The following STRADA variants were observed in gnomAD, a reference collection of about 807,000 sequenced individuals.
The protein encoded by STRADA is STE20-related kinase adapter protein alpha.
STRADA carries 26 observed loss-of-function variants against 55.0 expected under a neutral mutation model. The observed-to-expected ratio is 0.47, with a 90% CI of 0.35 to 0.66. The LOEUF (loss-of-function observed/expected upper bound fraction) is 0.66, where lower values mean the gene tolerates loss of function less well. STRADA is among the 30% of genes least tolerant of loss of function. The probability of loss-of-function intolerance (pLI) is 0.01; values close to 1 mark genes in which losing one functional copy is unlikely to be tolerated. For synonymous variants in STRADA, 197 were observed against 210.9 expected (o/e 0.93, Z 0.57); for missense variants, 443 against 549.7 (o/e 0.81, Z 1.94).
Position 63,728,428 on chromosome 17 carries a change from G to C in STRADA, c.-44-15C>G. On this transcript the variant is annotated splice_polypyrimidine_tract_variant and intron_variant, in intron 1 of 12. Transcript: ENST00000336174. Reference sequence around the variant, plus strand: ...AAAACTTAAACCTAAAAGGAAAATAGAAACAGGTTGAGTTAGCAAAAATCT... The same window carrying C: ...AAAACTTAAACCTAAAAGGAAAATACAAACAGGTTGAGTTAGCAAAAATCT... 1 of 1,482,908 alleles carries C rather than the reference G, an allele frequency of 6.7e-7. No homozygotes were observed. Among genetic ancestry groups the C allele is most frequent in the East Asian group, 2.3e-5 (1 of 43,106 alleles). 91.9% of individuals were successfully genotyped at this position (1,482,908 alleles called of 1,614,324 possible).
At chr17:63,737,410 CTCA>C (rs2038532047) in intron 1 of STRADA, 1 of 151,514 alleles carries the variant, frequency 6.6e-6, no homozygotes, top group Non-Finnish European at 1.5e-5. Context: ...CTGTTAAGTG[CTCA>C]TCATCAGCTT....
chr17:63,737,467 A>ATGT (rs1279504632), intron 1 of STRADA: 12 of 151,374 alleles, frequency 7.9e-5, no homozygotes, highest in Non-Finnish European at 1.3e-4. Flanking sequence ...ACTTAATTAC[A>ATGT]GTTATAGAAC....
chr17:63,707,150 C>G, intron 9 of STRADA, 97 bp downstream of exon 9: 1 of 1,505,222 alleles, frequency 6.6e-7, no homozygotes, highest in Non-Finnish European at 9.1e-7. Flanking sequence ...CTTTACCCCA[C>G]TGGGAGGTTG....
Position 63,710,477 on chromosome 17 carries a change from G to A in STRADA, c.581+14C>T, listed in dbSNP as rs368230413. The stretch of plus-strand genomic sequence containing the variant: ...ACCCACTGTAATCATGGGAAAGGCC[G>A]CCTAAGAACGCACCTGTGTACATAT... On this transcript the variant is annotated intron_variant, in intron 8 of 12. Coordinates refer to ENST00000336174, the MANE Select transcript of STRADA (RefSeq NM_001003787.4). The A allele has an allele frequency of 1.8e-5, 29 of 1,612,760 alleles. No homozygotes were observed. Among genetic ancestry groups the A allele is most frequent in the South Asian group, 5.5e-5 (5 of 91,002 alleles).
upstream of STRADA, chr17:63,741,878 T>C (rs1405925498): frequency 6.6e-6 from 1 of 152,312 alleles, no homozygotes; most frequent in Non-Finnish European, 1.5e-5. Flanking sequence ...GGAGGACTGA[T>C]AGAGCGCTCC....
chr17:63,710,587 T>C lies in STRADA; in HGVS notation c.485A>G (p.His162Arg), dbSNP rs1347918699. The C allele has an allele frequency of 1.4e-5, 23 of 1,613,964 alleles. No individual in the cohort carries two copies. The highest frequency in any genetic ancestry group is 1.9e-5 in the Non-Finnish European group (23 of 1,179,914). The stretch of plus-strand genomic sequence containing the variant: ...CAGCTCATTCATGCCATCCATGAAG[T>C]GTGTACAGATGAGATCTTTTGCAGA... ...YGSAKDLICT[H>R]FMDGMNELAI... Residue 162 changes from histidine to arginine, a missense_variant, in exon 8 of 13, where the codon CAC becomes CGC. By Grantham distance (29) the His-to-Arg change is conservative (BLOSUM62 0). Transcript: ENST00000336174.
intron 5 of STRADA, among the ~76,000 whole-genome samples, chr17:63,713,789 CAAAGG>C (rs943103253): frequency 2.0e-5 from 3 of 152,050 alleles, no homozygotes; most frequent in Non-Finnish European, 4.4e-5. Flanking sequence ...ATGGCAGCCA[CAAAGG>C]AAAGATGGCA....
intron 1 of STRADA, among the ~76,000 whole-genome samples, chr17:63,730,366 A>G (rs1217319149): frequency 6.7e-6 from 1 of 149,344 alleles, no homozygotes; most frequent in East Asian, 2.0e-4. Context: ...ATCTGGACTA[A>G]CTGCTTTTTA....
chr17:63,711,430 A>G (rs915558012), intron 6 of STRADA, among the ~76,000 whole-genome samples: 10 of 152,282 alleles, frequency 6.6e-5, no homozygotes, highest in African/African-American at 2.4e-4. Context: ...GTCTCACTGC[A>G]GCCTGAACTT....
chr17:63,705,940 C>T (rs1172243093), intron 10 of STRADA: 1 of 152,232 alleles, frequency 6.6e-6, no homozygotes, highest in Non-Finnish European at 1.5e-5. Flanking sequence ...CTGCCCCTAC[C>T]ACCGGGCAAG....
chr17:63,710,684 G>C, intron 7 of STRADA, 44 bp downstream of exon 7: 2 of 1,613,960 alleles, frequency 1.2e-6, no homozygotes, highest in Non-Finnish European at 1.7e-6. Context: ...TCTGACAACA[G>C]AGTCCCAATA....
intron 5 of STRADA, 31 bp downstream of exon 5, chr17:63,713,975 G>T: frequency 6.3e-7 from 1 of 1,576,652 alleles, no homozygotes; most frequent in Non-Finnish European, 8.7e-7. Flanking sequence ...GGAGCAGAAA[G>T]CAGGAGAGTA....
At chr17:63,709,910 T>C (rs908636554) in intron 8 of STRADA, among the ~76,000 whole-genome samples, 3 of 152,118 alleles carry the variant, frequency 2.0e-5, no homozygotes, top group African/African-American at 7.2e-5. Flanking sequence ...CATCAGATGT[T>C]CCTCTCACAC....
At chr17:63,713,340 C>G in intron 6 of STRADA, 66 bp downstream of exon 6, 1 of 1,576,302 alleles carries the variant, frequency 6.3e-7, no homozygotes, top group Non-Finnish European at 8.6e-7. Context: ...CTTTGTAATT[C>G]CTTGTAATTC....
In STRADA at chr17:63,723,328, T is replaced by G. The variant is rs766601222; in HGVS notation, c.95-2A>C. 2.8e-5 allele frequency: 46 copies of G among 1,614,096 alleles called. No individual in the cohort carries two copies. Among genetic ancestry groups the G allele is most frequent in the Non-Finnish European group, 3.9e-5 (46 of 1,180,046 alleles). On this transcript the variant is annotated splice_acceptor_variant, in intron 3 of 12. Transcript: ENST00000336174. LOFTEE classifies it high-confidence loss of function. The stretch of plus-strand genomic sequence containing the variant: ...TCCGAGTGTCACCCGGAGGCTGCTC[T>G]GGGGTAGAGAAATTGATTGTTGGCA...
rs115717167 is a variant in STRADA, at chr17:63,735,483, A to G, written c.-45+6258T>C. Among the ~76,000 whole-genome samples, 780 of 152,338 alleles carry G rather than the reference A, an allele frequency of 5.1e-3. 17 individuals are homozygous for G. The highest frequency in any genetic ancestry group is 0.018 in the African/African-American group (746 of 41,578). On this transcript the variant is annotated intron_variant, in intron 1 of 12. Coordinates refer to ENST00000336174, the MANE Select transcript of STRADA (RefSeq NM_001003787.4). ...TCTCCCTCTGATAGTGATGCTTATA[A>G]TAATGGCTTATGTTTCTAGGAGAGA... is the stretch of plus-strand genomic sequence containing the variant.
At chr17:63,724,837 A>G (rs1000046317) in intron 3 of STRADA, among the ~76,000 whole-genome samples, 5 of 152,142 alleles carry the variant, frequency 3.3e-5, no homozygotes, top group Admixed American at 2.6e-4. Flanking sequence ...ATTCTTTCCA[A>G]CTAAAATATA....
At chr17:63,722,080 T>C (rs2037356835) in intron 4 of STRADA, among the ~76,000 whole-genome samples, 1 of 152,262 alleles carries the variant, frequency 6.6e-6, no homozygotes, top group African/African-American at 2.4e-5. Context: ...ATTTAGCCCA[T>C]TCTCTTTAAA....
In STRADA at chr17:63,707,267, T is replaced by C; in HGVS notation, c.733A>G (p.Ser245Gly). ...KYSVKVLPWLSPEVLQQNLQG... is the reference protein window; with the variant it reads ...KYSVKVLPWLGPEVLQQNLQG... ...CAGACCTGCTGGAGGACCTCGGGGC[T>C]GAGCCACGGCAGAACCTTGACACTG... is the stretch of plus-strand genomic sequence containing the variant. Residue 245 changes from serine to glycine, a missense_variant, in exon 9 of 13, where the codon AGC (serine) becomes GGC (glycine). By Grantham distance (56) the Ser-to-Gly change is moderately conservative. Transcript: ENST00000336174. 1.2e-6 allele frequency: 2 copies of C among 1,614,218 alleles called. No homozygotes were observed. Among genetic ancestry groups the C allele is most frequent in the Non-Finnish European group, 1.7e-6 (2 of 1,180,028 alleles).
Sources: gnomAD v4.1 joint callset for allele counts (sites outside exome capture counted in the v4.1 genomes callset) on GRCh38, gnomAD v4.1.1 for gene constraint, MANE v1.5 for transcripts, NCBI Gene and HGNC (gene_info 2026-07-23, HGNC 2026-07-21) for gene names.